The following PLD5 variants were observed in gnomAD, a reference collection of about 807,000 sequenced individuals.
PLD5 encodes phospholipase D family member 5.
In PLD5, 36 loss-of-function variants were observed where a neutral mutation model predicts 61.1. The ratio of observed to expected loss-of-function variants is 0.59; its 90% confidence interval spans 0.45 to 0.78. PLD5 has a LOEUF of 0.78. PLD5 is among the 30% of genes least tolerant of loss of function. PLD5 has a pLI of 0.00. For synonymous variants in PLD5, 243 were observed against 242.8 expected, an observed-to-expected ratio of 1.00 and a Z score of -0.01; for missense variants, 515 against 644.4, an observed-to-expected ratio of 0.80 and a Z score of 2.17.
intron 1 of PLD5, among the ~76,000 whole-genome samples, chr1:242,366,359 A>C (rs954333244): frequency 6.6e-6 from 1 of 152,158 alleles, no homozygotes; most frequent in Non-Finnish European, 1.5e-5. Context: ...TAAGTGAGAG[A>C]TCTATCATCA....
At chr1:242,234,975 G>A (rs1671545238) in intron 4 of PLD5, among the ~76,000 whole-genome samples, 1 of 152,092 alleles carries the variant, frequency 6.6e-6, no homozygotes, top group African/African-American at 2.4e-5. Context: ...GTACAAACCT[G>A]TGCCTTGGTT....
chr1:242,109,280 C>T (rs2148690813), intron 7 of PLD5, among the ~76,000 whole-genome samples: 1 of 152,328 alleles, frequency 6.6e-6, no homozygotes, highest in African/African-American at 2.4e-5. Context: ...GAGTTTGAGA[C>T]CAGCCTGGCC....
intron 5 of PLD5, among the ~76,000 whole-genome samples, chr1:242,204,448 TGCTG>T: frequency 6.6e-6 from 1 of 152,174 alleles, no homozygotes; most frequent in Non-Finnish European, 1.5e-5. Flanking sequence ...ACCAAGGCGT[TGCTG>T]CCCACCTTGC....
intron 1 of PLD5, among the ~76,000 whole-genome samples, chr1:242,394,987 GAA>G (rs1376998009): frequency 1.8e-5 from 1 of 55,184 alleles, no homozygotes; most frequent in Non-Finnish European, 3.5e-5. Flanking sequence ...GAATATATAT[GAA>G]TATATATGTA....
chr1:242,339,845 C>T (rs1659733927), intron 2 of PLD5, among the ~76,000 whole-genome samples: 1 of 152,078 alleles, frequency 6.6e-6, no homozygotes, highest in Non-Finnish European at 1.5e-5. Flanking sequence ...AAAGCAATCT[C>T]TAAACAGAGG....
At chr1:242,112,319 G>A (rs968304496) in intron 7 of PLD5, among the ~76,000 whole-genome samples, 28 of 94,514 alleles carry the variant, frequency 3.0e-4, no homozygotes, top group African/African-American at 6.2e-4. Context: ...GTGTGTGTGT[G>A]TGTGTATGTA....
At chr1:242,175,255 G>A (rs1310263761) in intron 5 of PLD5, among the ~76,000 whole-genome samples, 1 of 152,130 alleles carries the variant, frequency 6.6e-6, no homozygotes, top group Non-Finnish European at 1.5e-5. Flanking sequence ...TATCCACCAC[G>A]ATCAAGTTGG....
At chr1:242,414,625 G>A (rs1664725712) in intron 1 of PLD5, among the ~76,000 whole-genome samples, 1 of 152,042 alleles carries the variant, frequency 6.6e-6, no homozygotes, top group African/African-American at 2.4e-5. Context: ...GAATACATCA[G>A]GATAAATTTC....
chr1:242,368,717 G>A (rs1048425271), intron 1 of PLD5, among the ~76,000 whole-genome samples: 5 of 152,164 alleles, frequency 3.3e-5, no homozygotes, highest in African/African-American at 1.2e-4. Flanking sequence ...AGGGAAGGTG[G>A]AGCCCCATGG....
chr1:242,166,040 AAATCTTTGAACTTGC>A (rs1241296206), intron 5 of PLD5, among the ~76,000 whole-genome samples: 1 of 152,154 alleles, frequency 6.6e-6, no homozygotes, highest in African/African-American at 2.4e-5. Context: ...CCGTAAGTAA[AAATCTTTGAACTTGC>A]TTCCTGTTGT....
intron 4 of PLD5, among the ~76,000 whole-genome samples, chr1:242,263,395 A>G (rs1428557744): frequency 6.6e-6 from 1 of 151,952 alleles, no homozygotes; most frequent in African/African-American, 2.4e-5. Flanking sequence ...AAGATATTCA[A>G]TCACAGATTT....
At chr1:242,453,839 C>G (rs1379695881) in intron 1 of PLD5, among the ~76,000 whole-genome samples, 1 of 152,162 alleles carries the variant, frequency 6.6e-6, no homozygotes, top group African/African-American at 2.4e-5. Flanking sequence ...TCTCTCCCAA[C>G]ACCAGTTTTA....
At chr1:242,181,264 G>GCAA (rs1226824187) in intron 5 of PLD5, among the ~76,000 whole-genome samples, 1 of 152,166 alleles carries the variant, frequency 6.6e-6, no homozygotes, top group Non-Finnish European at 1.5e-5. Flanking sequence ...GATCACACTT[G>GCAA]CAGTAGCAAG....
intron 1 of PLD5, among the ~76,000 whole-genome samples, chr1:242,387,333 C>T (rs1428232303): frequency 6.6e-6 from 1 of 152,080 alleles, no homozygotes; most frequent in Non-Finnish European, 1.5e-5. Flanking sequence ...ATTTTCCCTG[C>T]CATATATCAA....
intron 4 of PLD5, among the ~76,000 whole-genome samples, chr1:242,260,238 T>C (rs1251560109): frequency 6.7e-6 from 1 of 148,414 alleles, no homozygotes; most frequent in Non-Finnish European, 1.5e-5. Context: ...TCCCAGCTAC[T>C]TGGGAGGCTG....
intron 5 of PLD5, among the ~76,000 whole-genome samples, chr1:242,216,524 G>C (rs557891983): frequency 2.6e-5 from 4 of 152,204 alleles, no homozygotes; most frequent in Admixed American, 6.5e-5. Context: ...AACCTCAGGT[G>C]CATAATTGCT....
At chr1:242,137,843 A>G (rs552409396) in intron 5 of PLD5, among the ~76,000 whole-genome samples, 185 of 151,868 alleles carry the variant, frequency 1.2e-3, no homozygotes, top group African/African-American at 4.2e-3. Context: ...AATGTGGGGG[A>G]AAAAGAAAAG....
intron 1 of PLD5, among the ~76,000 whole-genome samples, chr1:242,484,419 T>C (rs1396754594): frequency 6.6e-6 from 1 of 152,184 alleles, no homozygotes; most frequent in Non-Finnish European, 1.5e-5. Context: ...CATCAGAGAA[T>C]ACTATAAACA....
intron 5 of PLD5, among the ~76,000 whole-genome samples, chr1:242,127,851 C>CAG (rs2148745754): frequency 6.6e-6 from 1 of 152,178 alleles, no homozygotes; most frequent in East Asian, 1.9e-4. Context: ...CTAGTAGAGC[C>CAG]AGAGATAGGC....
Sources: allele counts gnomAD v4.1 joint callset (sites outside exome capture counted in the v4.1 genomes callset), GRCh38; gene constraint gnomAD v4.1.1; transcripts MANE v1.5; gene names NCBI Gene and HGNC (gene_info 2026-07-23, HGNC 2026-07-21).